The following AVEN variants were observed in gnomAD, a reference collection of about 807,000 sequenced individuals.
AVEN encodes cell death regulator Aven.
Under a neutral mutation model 38.1 loss-of-function variants are expected in AVEN, and 41 were observed. The ratio of observed to expected loss-of-function variants is 1.08; its 90% CI spans 0.84 to 1.40. The LOEUF is 1.40. Among genes scored for constraint, AVEN ranks in the 40% most tolerant of loss-of-function variants. The pLI, the probability that AVEN is intolerant of heterozygous loss-of-function variation, is 0.00. For missense variants in AVEN, 605 were observed against 438.8 expected (o/e 1.38, Z -3.38); for synonymous variants, 206 against 171.8 (o/e 1.20, Z -1.56).
At chr15:33,977,055 A>G (rs1288375635) in intron 2 of AVEN, among the ~76,000 whole-genome samples, 1 of 152,220 alleles carries the variant, frequency 6.6e-6, no homozygotes, top group Non-Finnish European at 1.5e-5. Context: ...GGCAAGGTTA[A>G]TATCTTGTAT....
intron 2 of AVEN, among the ~76,000 whole-genome samples, chr15:33,938,749 T>A (rs1894198203): frequency 6.6e-6 from 1 of 152,174 alleles, no homozygotes. Context: ...GATAAAGTTA[T>A]AAATTTAAAA....
intron 5 of AVEN, chr15:34,062,646 C>T: frequency 7.0e-7 from 1 of 1,429,960 alleles, no homozygotes; most frequent in Non-Finnish European, 9.5e-7. Context: ...CTTCCAGATG[C>T]TGGCCAAGAA....
chr15:33,930,079 G>C (rs1893782730), intron 2 of AVEN, among the ~76,000 whole-genome samples: 5 of 152,182 alleles, frequency 3.3e-5, no homozygotes, highest in Admixed American at 2.0e-4. Flanking sequence ...TTGACGAACA[G>C]ATTAGGAAAC....
chr15:33,871,049 G>T lies in AVEN; in HGVS notation c.517-19C>A. ...CTGAATTCTATATATATATATAAAA[G>T]AAAATAAAATATCAGGTGATGATTA... On this transcript the variant is annotated intron_variant, in intron 3 of 5. Coordinates refer to ENST00000306730, the MANE Select transcript of AVEN (RefSeq NM_020371.3). 3 of 1,340,714 alleles carry T rather than the reference G, an allele frequency of 2.2e-6. No homozygotes were observed. Among genetic ancestry groups the T allele is most frequent in the South Asian group, 1.9e-5 (1 of 52,178 alleles). The allele number at this position is 1,340,714 out of a possible 1,614,324, so 83.1% of individuals were successfully genotyped here.
chr15:34,068,530 G>T (rs1243078876), intron 2 of AVEN, among the ~76,000 whole-genome samples: 1 of 152,144 alleles, frequency 6.6e-6, no homozygotes, highest in East Asian at 1.9e-4. Context: ...TTCTTAAGAA[G>T]GAGGAGATTA....
chr15:33,909,162 G>A (rs1018826695), intron 2 of AVEN, among the ~76,000 whole-genome samples: 1 of 152,114 alleles, frequency 6.6e-6, no homozygotes, highest in African/African-American at 2.4e-5. Context: ...ACTCTCAATA[G>A]CCAGCTTCTA....
At chr15:33,946,986 G>C (rs1427877617) in intron 2 of AVEN, among the ~76,000 whole-genome samples, 1 of 152,168 alleles carries the variant, frequency 6.6e-6, no homozygotes, top group Non-Finnish European at 1.5e-5. Context: ...AGGTGTGGCT[G>C]GTTGTCAGCA....
chr15:33,861,245 G>A (rs1216022248), downstream of AVEN: 2 of 1,164,996 alleles, frequency 1.7e-6, no homozygotes, highest in Admixed American at 2.0e-5. Flanking sequence ...AGGTCATATA[G>A]TTCAGTCTCT....
exon 5 of AVEN, chr15:34,062,990 C>G (rs1900398593): frequency 6.2e-7 from 1 of 1,614,206 alleles, no homozygotes; most frequent in Non-Finnish European, 8.5e-7. Context: ...CCACCTACAT[C>G]CTCATGGGAC....
intron 2 of AVEN, among the ~76,000 whole-genome samples, chr15:33,940,324 A>C (rs899098351): frequency 1.7e-4 from 26 of 152,220 alleles, no homozygotes; most frequent in African/African-American, 6.3e-4. Flanking sequence ...AATGCCAAAT[A>C]TTTCAATAAA....
At chr15:33,957,464 C>G (rs1273422341) in intron 2 of AVEN, among the ~76,000 whole-genome samples, 1 of 152,122 alleles carries the variant, frequency 6.6e-6, no homozygotes, top group African/African-American at 2.4e-5. Flanking sequence ...CATAAATTTA[C>G]CCTAGGACCC....
At chr15:34,012,220 C>G (rs992470511) in intron 1 of AVEN, among the ~76,000 whole-genome samples, 1 of 152,130 alleles carries the variant, frequency 6.6e-6, no homozygotes, top group Non-Finnish European at 1.5e-5. Context: ...TGCTTCTTGA[C>G]GTGGTTATGA....
At chr15:33,866,911 G>C (rs111881164) in intron 5 of AVEN, among the ~76,000 whole-genome samples, 183 bp from the exon 6 acceptor site, 32 of 152,058 alleles carry the variant, frequency 2.1e-4, no homozygotes, top group Admixed American at 6.5e-5. Context: ...TTATTCTGAA[G>C]TTGAACTTCA....
intron 2 of AVEN, among the ~76,000 whole-genome samples, chr15:33,978,521 G>A (rs606990): frequency 0.81 from 123,349 of 151,946 alleles, 54,922 homozygotes; most frequent in Non-Finnish European, 0.98. Context: ...AAAATTAGCC[G>A]GCATGGTGGC....
At chr15:33,881,437 G>C (rs897740145) in intron 2 of AVEN, among the ~76,000 whole-genome samples, 2 of 152,080 alleles carry the variant, frequency 1.3e-5, no homozygotes, top group African/African-American at 4.8e-5. Flanking sequence ...CTGTCACCCA[G>C]ACTGGAGTGC....
intron 2 of AVEN, among the ~76,000 whole-genome samples, chr15:33,979,581 AAG>A (rs1312811631): frequency 6.6e-6 from 1 of 152,234 alleles, no homozygotes; most frequent in African/African-American, 2.4e-5. Flanking sequence ...GTATGGCCTT[AAG>A]TTAAACCTCA....
downstream of AVEN, chr15:33,857,964 C>G (rs760267208): frequency 1.2e-6 from 2 of 1,605,604 alleles, no homozygotes; most frequent in Non-Finnish European, 1.7e-6. Context: ...GGGGCCACCC[C>G]GCCCCACCAC....
At chr15:33,983,126 CTCTG>C (rs1334651066) in intron 2 of AVEN, among the ~76,000 whole-genome samples, 1 of 107,350 alleles carries the variant, frequency 9.3e-6, no homozygotes, top group African/African-American at 4.8e-5. Flanking sequence ...TATGTCCATA[CTCTG>C]TGTGTGTGTG....
At chr15:34,028,092 C>A (rs892136973) in intron 1 of AVEN, among the ~76,000 whole-genome samples, 2 of 152,188 alleles carry the variant, frequency 1.3e-5, no homozygotes, top group African/African-American at 2.4e-5. Flanking sequence ...ATACCCCACA[C>A]ACAGAGAGAC....
Sources: gnomAD v4.1 joint callset for allele counts (sites outside exome capture counted in the v4.1 genomes callset) on GRCh38, gnomAD v4.1.1 for gene constraint, MANE v1.5 for transcripts, NCBI Gene and HGNC (gene_info 2026-07-23, HGNC 2026-07-21) for gene names.